TCF3: variants seen among roughly 807,000 people sequenced by gnomAD.
TCF3 encodes the protein transcription factor 3.
Under a neutral mutation model 72.3 loss-of-function variants are expected in TCF3, and 54 were observed. That is an observed-to-expected ratio of 0.75 (90% CI 0.60 to 0.94). The LOEUF (loss-of-function observed/expected upper bound fraction) is 0.94, where lower values mean the gene tolerates loss of function less well. Among genes scored for constraint, TCF3 ranks in the 40% least tolerant of loss-of-function variants. The probability of loss-of-function intolerance (pLI) is 0.00; values close to 1 mark genes in which losing one functional copy is unlikely to be tolerated. For missense variants in TCF3, 1,078 were observed against 934.4 expected (o/e 1.15, Z -2.00); for synonymous variants, 525 against 412.6 (o/e 1.27, Z -3.30).
At chr19:1,649,646 C>A (rs748116275) in intron 2 of TCF3, among the ~76,000 whole-genome samples, 2 of 152,042 alleles carry the variant, frequency 1.3e-5, no homozygotes, top group Non-Finnish European at 2.9e-5. Flanking sequence ...GGACTTGGAA[C>A]TCCTGGCCTC....
Position 1,622,126 on chromosome 19 carries a change from C to G in TCF3, c.750G>C (p.Pro250=), listed in dbSNP as rs201703361. ...TGCTGCCCACCGGGCCGCTACCGGG[C>G]GGGAGGGGCAGCGGGGATGAGCCCC... ...LGGGSSPLPL[P]PGSGPVGSSG... Residue 250 remains proline, a synonymous_variant, in exon 10 of 19, where the codon CCG becomes CCC. Transcript: ENST00000262965. 6.3e-7 allele frequency: 1 copy of G among 1,597,418 alleles called. No homozygotes were observed. The highest frequency in any genetic ancestry group is 1.1e-5 in the South Asian group (1 of 88,824).
chr19:1,642,669 C>T (rs970773972), intron 3 of TCF3, among the ~76,000 whole-genome samples: 2 of 152,214 alleles, frequency 1.3e-5, no homozygotes, highest in Non-Finnish European at 2.9e-5. Flanking sequence ...GCCGTGCTGT[C>T]ACCACGTTGG....
chr19:1,646,227 C>T (rs1404989830), intron 3 of TCF3, 128 bp downstream of exon 3: 7 of 1,038,096 alleles, frequency 6.7e-6, no homozygotes, highest in Middle Eastern at 2.1e-4. Flanking sequence ...GCCCCCGACC[C>T]GGCCTGTGTG....
intron 5 of TCF3, among the ~76,000 whole-genome samples, 162 bp from the exon 6 acceptor site, chr19:1,627,588 G>A (rs1379493257): frequency 6.6e-6 from 1 of 151,790 alleles, no homozygotes; most frequent in Non-Finnish European, 1.5e-5. Flanking sequence ...TGCCCATCTC[G>A]GGGAGCCCTG....
chr19:1,635,890 G>A (rs527600067), intron 3 of TCF3, among the ~76,000 whole-genome samples: 37 of 152,310 alleles, frequency 2.4e-4, no homozygotes, highest in Non-Finnish European at 4.4e-4. Context: ...CGCAGGTTCC[G>A]TTTACTCGGG....
chr19:1,646,878 AGCC>A (rs2066192080), intron 2 of TCF3, among the ~76,000 whole-genome samples: 1 of 152,360 alleles, frequency 6.6e-6, no homozygotes, highest in Admixed American at 6.5e-5. Flanking sequence ...CGGATGCCTG[AGCC>A]CTGGCTGACT....
intron 7 of TCF3, 63 bp downstream of exon 7, chr19:1,625,513 T>G: frequency 4.0e-6 from 6 of 1,481,932 alleles, no homozygotes; most frequent in Non-Finnish European, 5.4e-6. Flanking sequence ...ACGGGAAGCC[T>G]CCTACCTCCC....
At chr19:1,650,367 G>T in intron 1 of TCF3, 80 bp from the exon 2 acceptor site, 1 of 1,108,860 alleles carries the variant, frequency 9.0e-7, no homozygotes, top group Non-Finnish European at 1.3e-6. Flanking sequence ...AGCACAGAGT[G>T]CTAAAAGCCA....
At chr19:1,652,117 C>G (rs181891685) in intron 1 of TCF3, among the ~76,000 whole-genome samples, 183 bp downstream of exon 1, 3 of 149,962 alleles carry the variant, frequency 2.0e-5, no homozygotes, top group African/African-American at 4.9e-5. Flanking sequence ...ACGTCGCCGC[C>G]CCCCCGGCGC....
chr19:1,633,587 T>G (rs1344613655), intron 3 of TCF3, among the ~76,000 whole-genome samples: 1 of 152,266 alleles, frequency 6.6e-6, no homozygotes, highest in Non-Finnish European at 1.5e-5. Flanking sequence ...CTGATTTGCA[T>G]AATTATGCAT....
intron 3 of TCF3, among the ~76,000 whole-genome samples, chr19:1,642,162 A>ACG (rs1269085068): frequency 6.8e-6 from 1 of 146,554 alleles, no homozygotes; most frequent in African/African-American, 2.5e-5. Context: ...ACACACACAC[A>ACG]CACGCACGCG....
At chr19:1,650,536 G>T in intron 1 of TCF3, 1 of 404,870 alleles carries the variant, frequency 2.5e-6, no homozygotes, top group Non-Finnish European at 4.4e-6. Flanking sequence ...TGGGGGGAGG[G>T]TGTGCAAATA....
At position 1,624,005 on chromosome 19, in the gene TCF3, T is replaced by C. The variant is rs1427512672; in HGVS notation, c.500-5A>G. On this transcript the variant is annotated splice_region_variant and splice_polypyrimidine_tract_variant and intron_variant, in intron 7 of 18. Coordinates refer to ENST00000262965, the MANE Select transcript of TCF3 (RefSeq NM_003200.5). ...GGACCTTCTTGGGCTGCGTGTCTGT[T>C]AGAAGCAAAAGGGGTGAGAACCGGC... The C allele has an allele frequency of 1.9e-6, 3 of 1,613,152 alleles. No homozygotes were observed. In the East Asian group the frequency reaches 6.7e-5, roughly 36 times the overall value.
At chr19:1,619,593 T>C (rs570067670) in intron 14 of TCF3, 119 bp from the exon 15 acceptor site, 1 of 1,417,824 alleles carries the variant, frequency 7.1e-7, no homozygotes, top group Non-Finnish European at 9.4e-7. Flanking sequence ...CCCAGGAAGC[T>C]GCATATGCCA....
At chr19:1,639,082 C>T (rs569047921) in intron 3 of TCF3, among the ~76,000 whole-genome samples, 123 of 152,328 alleles carry the variant, frequency 8.1e-4, no homozygotes, top group African/African-American at 2.9e-3. Flanking sequence ...CTCGCTGTGT[C>T]GCCCAGGGTG....
chr19:1,647,582 G>A (rs2066316516), intron 2 of TCF3, among the ~76,000 whole-genome samples: 1 of 152,230 alleles, frequency 6.6e-6, no homozygotes, highest in Non-Finnish European at 1.5e-5. Flanking sequence ...CCGCGCTGAA[G>A]GCAGTGTTCG....
Position 1,615,154 on chromosome 19 carries a change from G to C in TCF3, c.1822+131C>G, listed in dbSNP as rs1443404840. 1 of 1,102,750 alleles carries C rather than the reference G, an allele frequency of 9.1e-7. No individual in the cohort carries two copies. Among genetic ancestry groups the C allele is most frequent in the East Asian group, 2.6e-5 (1 of 38,606 alleles). 68.3% of individuals were successfully genotyped at this position (1,102,750 alleles called of 1,614,324 possible). On this transcript the variant is annotated intron_variant, in intron 18 of 18. Transcript: ENST00000262965. This position sits in a 1 kb window ranked among gnomAD's most constrained non-coding sequence, Gnocchi z 7.3. ...TGCGGTCAGAGGGGTGAAGGGCACA[G>C]TCACTGCAAGGAGGCAACTGCTGCA...
rs1292135706 is a variant in TCF3 at position 1,611,578 on chromosome 19, G to C, written c.*129C>G. On this transcript the variant is annotated 3_prime_UTR_variant, in exon 19 of 19. Transcript: ENST00000262965. ...CATCACTCCGAACCTTGTCAGGTTG[G>C]TGTTGGCTCGATGCTGACAACAGGT... The C allele has an allele frequency of 5.3e-6, 7 of 1,312,950 alleles. No homozygotes were observed. Among genetic ancestry groups the C allele is most frequent in the African/African-American group, 3.0e-5 (2 of 67,548 alleles). The allele number at this position is 1,312,950 out of a possible 1,614,324, so 81.3% of individuals were successfully genotyped here.
intron 5 of TCF3, among the ~76,000 whole-genome samples, chr19:1,631,795 C>T (rs1032400519): frequency 8.5e-5 from 13 of 152,190 alleles, no homozygotes; most frequent in Non-Finnish European, 1.6e-4. Context: ...GGGTCTGGAA[C>T]GGCCTCCCTG....
Sources: allele counts gnomAD v4.1 joint callset (sites outside exome capture counted in the v4.1 genomes callset), GRCh38; gene constraint gnomAD v4.1.1; non-coding constraint Gnocchi (gnomAD v3.1); transcripts MANE v1.5; gene names NCBI Gene and HGNC (gene_info 2026-07-23, HGNC 2026-07-21).